CCDC148: variants seen among roughly 807,000 people sequenced by gnomAD.
CCDC148 encodes coiled-coil domain-containing protein 148.
Under a neutral mutation model 85.7 loss-of-function variants are expected in CCDC148, and 89 were observed. The ratio of observed to expected loss-of-function variants is 1.04; its 90% confidence interval spans 0.87 to 1.24. The LOEUF (loss-of-function observed/expected upper bound fraction) is 1.24. CCDC148 is among the 50% of genes most tolerant of loss of function. CCDC148 has a pLI of 0.00. For missense variants in CCDC148, 692 were observed against 671.7 expected (o/e 1.03, Z -0.33); for synonymous variants, 230 against 213.9 (o/e 1.08, Z -0.66).
chr2:158,187,399 C>T (rs1007015984), intron 11 of CCDC148, among the ~76,000 whole-genome samples: 2 of 151,972 alleles, frequency 1.3e-5, no homozygotes, highest in African/African-American at 4.8e-5. Context: ...AACTCTGGCT[C>T]CCTTTTCAGA....
intron 7 of CCDC148, among the ~76,000 whole-genome samples, chr2:158,317,229 C>T (rs1692322719): frequency 6.6e-6 from 1 of 152,160 alleles, no homozygotes; most frequent in Non-Finnish European, 1.5e-5. Context: ...GACAAAAAAT[C>T]TTTAGCAGTT....
rs569198658 is a variant in CCDC148, at chr2:158,279,794, C to A, written c.1111-28882G>T. Among the ~76,000 whole-genome samples the A allele has an allele frequency of 1.9e-4, 29 of 151,748 alleles. 1 individual carries two copies. The East Asian group carries it at 2.1e-3, about 11-fold the overall frequency. On this transcript the variant is annotated intron_variant, in intron 9 of 13. Transcript: ENST00000283233. ...CAGAGAACGCCACAAAGATACTCCTCGAGAAGACCAACTCCAAGACACATA... is the reference window on the plus strand; with the variant it reads ...CAGAGAACGCCACAAAGATACTCCTAGAGAAGACCAACTCCAAGACACATA...
intron 8 of CCDC148, among the ~76,000 whole-genome samples, chr2:158,311,424 C>G (rs1287191645): frequency 1.3e-5 from 2 of 150,812 alleles, no homozygotes. Context: ...CGCGGCAGTA[C>G]AGTCCAGCCT....
chr2:158,410,178 T>TAA (rs1338341665), intron 1 of CCDC148, among the ~76,000 whole-genome samples: 21 of 152,348 alleles, frequency 1.4e-4, no homozygotes, highest in Admixed American at 1.2e-3. Context: ...CCACCCCTGC[T>TAA]CTTCTTCAGT....
At chr2:158,363,134 G>A (rs1377025282) in intron 1 of CCDC148, among the ~76,000 whole-genome samples, 1 of 152,122 alleles carries the variant, frequency 6.6e-6, no homozygotes, top group East Asian at 1.9e-4. Flanking sequence ...TCGAATACCT[G>A]AACAGAACAA....
intron 1 of CCDC148, among the ~76,000 whole-genome samples, chr2:158,421,968 C>CAT (rs1686815387): frequency 1.3e-5 from 2 of 152,142 alleles, no homozygotes; most frequent in Admixed American, 6.5e-5. Context: ...CACCTCTATG[C>CAT]AAATAAACTA....
chr2:158,396,705 A>C (rs1685537194), intron 1 of CCDC148, among the ~76,000 whole-genome samples: 1 of 152,110 alleles, frequency 6.6e-6, no homozygotes, highest in African/African-American at 2.4e-5. Context: ...GGAAGGTTTA[A>C]ATCATATAAT....
At chr2:158,179,870 T>C (rs972991204) in intron 11 of CCDC148, among the ~76,000 whole-genome samples, 3 of 152,150 alleles carry the variant, frequency 2.0e-5, no homozygotes, top group African/African-American at 7.2e-5. Context: ...AACATGACTT[T>C]CCCTTAGCAT....
intron 2 of CCDC148, among the ~76,000 whole-genome samples, chr2:158,346,958 A>G (rs1216579086): frequency 2.0e-5 from 3 of 152,184 alleles, no homozygotes; most frequent in Non-Finnish European, 4.4e-5. Context: ...ATATTTTCCT[A>G]AGAAGGTAAG....
At chr2:158,280,453 C>CA (rs1275577032) in intron 9 of CCDC148, among the ~76,000 whole-genome samples, 1 of 151,622 alleles carries the variant, frequency 6.6e-6, no homozygotes, top group Non-Finnish European at 1.5e-5. Flanking sequence ...AAATGGAAAA[C>CA]AAAAAAAGGC....
At position 158,290,490 on chromosome 2, in the gene CCDC148, G is replaced by A. The variant is rs1205415373; in HGVS notation, c.1110+18943C>T. 2.6e-5 allele frequency among the ~76,000 whole-genome samples: 4 copies of A among 152,084 alleles called. 1 individual carries two copies. Among genetic ancestry groups the A allele is most frequent in the South Asian group, 4.1e-4 (2 of 4,826 alleles). On this transcript the variant is annotated intron_variant, in intron 9 of 13. Transcript: ENST00000283233. ...TTGAATACATCAGCATGGCATTTAC[G>A]CTTGCTGTTCCCTTTGCTTAGAATA...
chr2:158,194,439 T>A (rs1574375356), intron 11 of CCDC148, among the ~76,000 whole-genome samples: 1 of 152,142 alleles, frequency 6.6e-6, no homozygotes, highest in East Asian at 1.9e-4. Flanking sequence ...TCTAGACCTG[T>A]CTCACCAGCA....
At chr2:158,450,051 T>C (rs1688341291) in intron 1 of CCDC148, among the ~76,000 whole-genome samples, 1 of 151,806 alleles carries the variant, frequency 6.6e-6, no homozygotes. Flanking sequence ...CCTGACAAGA[T>C]GATGTATTAG....
In CCDC148 at chr2:158,286,362, T is replaced by C. The variant is rs79579226; in HGVS notation, c.1110+23071A>G. On this transcript the variant is annotated intron_variant, in intron 9 of 13. Transcript: ENST00000283233. ...AGACAAAACAACTTTATAAGAGAAATTAAAATTAAAGAAGACCTCAGTAAG... is the reference window on the plus strand; with the variant it reads ...AGACAAAACAACTTTATAAGAGAAACTAAAATTAAAGAAGACCTCAGTAAG... Among the ~76,000 whole-genome samples the C allele has an allele frequency of 7.3e-3, 1,116 of 152,286 alleles. 19 individuals are homozygous for C. Among genetic ancestry groups the C allele is most frequent in the African/African-American group, 0.026 (1,064 of 41,556 alleles).
chr2:158,433,981 T>C (rs962546217), intron 1 of CCDC148, among the ~76,000 whole-genome samples: 14 of 152,168 alleles, frequency 9.2e-5, no homozygotes, highest in East Asian at 1.9e-4. Context: ...AAAGCTCCAA[T>C]TGGGTGAAGC....
At position 158,181,173 on chromosome 2, in the gene CCDC148, T is replaced by G. The variant is rs548796102; in HGVS notation, c.1371-2177A>C. Reference sequence around the variant, plus strand: ...GAACCTTTGGAAAGTTTCTCTTCCTTTGGGATATATAGGTTGCTTTGTCTG... The same window carrying G: ...GAACCTTTGGAAAGTTTCTCTTCCTGTGGGATATATAGGTTGCTTTGTCTG... On this transcript the variant is annotated intron_variant, in intron 11 of 13. Transcript: ENST00000283233. 2.6e-5 allele frequency among the ~76,000 whole-genome samples: 4 copies of G among 152,244 alleles called. No homozygotes were observed. The South Asian group carries it at 8.3e-4, about 32-fold the overall frequency.
At chr2:158,225,598 A>G (rs1229588758) in intron 10 of CCDC148, among the ~76,000 whole-genome samples, 5 of 152,218 alleles carry the variant, frequency 3.3e-5, no homozygotes, top group African/African-American at 7.2e-5. Context: ...AAATTATAAC[A>G]AACTGTCTGT....
intron 11 of CCDC148, among the ~76,000 whole-genome samples, chr2:158,214,122 A>AAAAAAAAAAAAAAAAAAAAAAG (rs1686725711): frequency 2.1e-4 from 1 of 4,858 alleles, no homozygotes. Flanking sequence ...ACATTGTGGT[A>AAAAAAAAAAAAAAAAAAAAAAG]AAAAAAAAAA....
chr2:158,217,538 G>T (rs909501371), intron 11 of CCDC148, among the ~76,000 whole-genome samples: 3 of 151,856 alleles, frequency 2.0e-5, no homozygotes, highest in African/African-American at 7.3e-5. Flanking sequence ...AAGTAGCTGG[G>T]TCTACAGGCA....
Sources: gnomAD v4.1 joint callset for allele counts (sites outside exome capture counted in the v4.1 genomes callset) on GRCh38, gnomAD v4.1.1 for gene constraint, MANE v1.5 for transcripts, NCBI Gene and HGNC (gene_info 2026-07-23, HGNC 2026-07-21) for gene names.